INPP1: variants seen among roughly 807,000 people sequenced by gnomAD.
INPP1 encodes inositol polyphosphate 1-phosphatase.
Under a neutral mutation model 23.0 loss-of-function variants are expected in INPP1, and 18 were observed. The observed-to-expected ratio is 0.78, with a 90% CI of 0.54 to 1.16. The LOEUF is 1.16. Among genes scored for constraint, INPP1 ranks in the 50% most tolerant of loss-of-function variants. The pLI is 0.00. For missense variants in INPP1, 448 were observed against 482.1 expected (o/e 0.93, Z 0.66); for synonymous variants, 164 against 176.3 (o/e 0.93, Z 0.55).
rs1166122107 is a variant in INPP1 at position 190,369,116 on chromosome 2, G to A, written c.480G>A (p.Gln160=). ...IWVDPIDSTY[Q]YIKGSADIKS... is the part of the protein sequence containing the mutation. ...TTCCTTTTTCAGATTCAACTTATCAGTATATAAAAGGTTCTGCTGACATTA... is the reference window on the plus strand; with the variant it reads ...TTCCTTTTTCAGATTCAACTTATCAATATATAAAAGGTTCTGCTGACATTA... Residue 160 remains glutamine, a synonymous_variant, in exon 6 of 7, where the codon CAG becomes CAA. Coordinates refer to ENST00000392329, the MANE Select transcript of INPP1 (RefSeq NM_001128928.2). 1.9e-6 allele frequency: 3 copies of A among 1,591,006 alleles called. No individual in the cohort carries two copies. Among genetic ancestry groups the A allele is most frequent in the Admixed American group, 1.7e-5 (1 of 58,486 alleles).
chr2:190,352,284 C>T lies in INPP1; in HGVS notation c.-65+3253C>T, dbSNP rs2124919519. ...CAAAATCAGCTACTAAAAGGCTAAA[C>T]TTAATCAGAGCCCATGAGGTAATGA... On this transcript the variant is annotated intron_variant, in intron 2 of 6. Transcript: ENST00000392329. This position sits in a 1 kb window ranked among gnomAD's most constrained non-coding sequence, Gnocchi z 4.7. Among the ~76,000 whole-genome samples the T allele has an allele frequency of 6.6e-6, 1 of 152,274 alleles. No individual in the cohort carries two copies. The highest frequency in any genetic ancestry group is 1.9e-4 in the East Asian group (1 of 5,186).
intron 4 of INPP1, among the ~76,000 whole-genome samples, chr2:190,366,180 GCT>G (rs59909447): frequency 7.2e-6 from 1 of 138,996 alleles, no homozygotes; most frequent in Non-Finnish European, 1.6e-5. Flanking sequence ...TTTGTCTCTT[GCT>G]CTCTGTCTCT....
At chr2:190,364,527 G>A (rs1275120054) in intron 4 of INPP1, among the ~76,000 whole-genome samples, 1 of 141,400 alleles carries the variant, frequency 7.1e-6, no homozygotes, top group East Asian at 2.1e-4. Context: ...GGGTGACAGA[G>A]CAAGACTCCG....
In INPP1 at chr2:190,363,309, T is replaced by G. The variant is rs1008007285; in HGVS notation, c.265+622T>G. ...GTGCAGTGGCACAATCTCGGTTCAC[T>G]GCAACCTCCACCTCCTGGATTCAAG... is the stretch of plus-strand genomic sequence containing the variant. On this transcript the variant is annotated intron_variant, in intron 4 of 6. Coordinates refer to ENST00000392329, the MANE Select transcript of INPP1 (RefSeq NM_001128928.2). This position sits in a 1 kb window ranked among gnomAD's most constrained non-coding sequence, Gnocchi z 4.4. 6.6e-6 allele frequency among the ~76,000 whole-genome samples: 1 copy of G among 152,210 alleles called. No homozygotes were observed. The highest frequency in any genetic ancestry group is 1.5e-5 in the Non-Finnish European group (1 of 68,046).
rs1451708115 is a variant in INPP1, at chr2:190,360,021, A to G, written c.-64-18A>G. Reference sequence around the variant, plus strand: ...CTCTCTGAACTGCTTTCTCTTTCACATTCTTGTATTTTTCCAGCTGACGGC... The same window carrying G: ...CTCTCTGAACTGCTTTCTCTTTCACGTTCTTGTATTTTTCCAGCTGACGGC... On this transcript the variant is annotated intron_variant, in intron 2 of 6. Transcript: ENST00000392329. The G allele has an allele frequency of 7.1e-6, 10 of 1,410,222 alleles. No individual in the cohort carries two copies. The highest frequency in any genetic ancestry group is 2.3e-5 in the East Asian group (1 of 43,106). 87.4% of individuals were successfully genotyped at this position (1,410,222 alleles called of 1,614,324 possible).
intron 4 of INPP1, 97 bp from the exon 5 acceptor site, chr2:190,366,590 TCTCTCTCG>T (rs1442526213): frequency 2.0e-5 from 16 of 818,356 alleles, no homozygotes; most frequent in Non-Finnish European, 2.9e-5. Flanking sequence ...TCTCTGTCTC[TCTCTCTCG>T]CTCTCTCTGT....
chr2:190,365,349 C>A (rs1366222168), intron 4 of INPP1, among the ~76,000 whole-genome samples: 1 of 152,142 alleles, frequency 6.6e-6, no homozygotes, highest in Non-Finnish European at 1.5e-5. Context: ...TTTTATGTTA[C>A]TTAGCATAAA....
chr2:190,357,546 A>T (rs905852850), intron 2 of INPP1, among the ~76,000 whole-genome samples: 1 of 152,222 alleles, frequency 6.6e-6, no homozygotes, highest in African/African-American at 2.4e-5. Flanking sequence ...CCATATTATT[A>T]AATATTCTTC....
intron 4 of INPP1, among the ~76,000 whole-genome samples, chr2:190,364,414 C>T (rs190022863): frequency 2.6e-5 from 4 of 151,538 alleles, no homozygotes; most frequent in African/African-American, 7.2e-5. Context: ...TGGTGGCGGG[C>T]GCCTGTAGTC....
intron 4 of INPP1, among the ~76,000 whole-genome samples, chr2:190,365,542 G>A (rs1231500585): frequency 1.3e-5 from 2 of 152,172 alleles, no homozygotes; most frequent in African/African-American, 4.8e-5. Context: ...ACTGGCCTAT[G>A]TATCCCTTAA....
chr2:190,364,757 C>T (rs1282527584), intron 4 of INPP1, among the ~76,000 whole-genome samples: 5 of 151,664 alleles, frequency 3.3e-5, no homozygotes, highest in African/African-American at 9.7e-5. Flanking sequence ...CCTGCCACCA[C>T]GCCTAGCTAA....
chr2:190,365,936 GCTCA>G (rs1304552508), intron 4 of INPP1, among the ~76,000 whole-genome samples: 35 of 87,708 alleles, frequency 4.0e-4, no homozygotes, highest in African/African-American at 1.5e-3. Flanking sequence ...ACTGTCTCTC[GCTCA>G]CTGTCTGTCT....
chr2:190,357,539 T>C (rs1361280828), intron 2 of INPP1, among the ~76,000 whole-genome samples: 2 of 152,196 alleles, frequency 1.3e-5, no homozygotes. Context: ...CATATTTCCA[T>C]ATTATTAAAT....
In INPP1 at chr2:190,345,973, G is replaced by A. The variant is rs968087253; in HGVS notation, c.-209+2012G>A. 3.3e-5 allele frequency among the ~76,000 whole-genome samples: 5 copies of A among 152,094 alleles called. No homozygotes were observed. Among genetic ancestry groups the A allele is most frequent in the African/African-American group, 4.8e-5 (2 of 41,404 alleles). ...CGCGCCACTGCACTCCAGCCTGGGCGACAAAGCAAGACTTCATCTCAAAAA... is the reference window on the plus strand; with the variant it reads ...CGCGCCACTGCACTCCAGCCTGGGCAACAAAGCAAGACTTCATCTCAAAAA... On this transcript the variant is annotated intron_variant, in intron 1 of 6. Transcript: ENST00000392329. The surrounding 1 kb of genome is among the most constrained non-coding windows in gnomAD (Gnocchi z 4.9).
chr2:190,359,169 A>T (rs1689482451), intron 2 of INPP1, among the ~76,000 whole-genome samples: 1 of 152,112 alleles, frequency 6.6e-6, no homozygotes, highest in Non-Finnish European at 1.5e-5. Flanking sequence ...GCGTGGTGGC[A>T]TGCATCTGTA....
At position 190,367,149 on chromosome 2, in the gene INPP1, A is replaced by AC. The variant is rs1375710668; in HGVS notation, c.466+255dup. On this transcript the variant is annotated intron_variant, in intron 5 of 6. Coordinates refer to ENST00000392329, the MANE Select transcript of INPP1 (RefSeq NM_001128928.2). The surrounding 1 kb of genome is among the most constrained non-coding windows in gnomAD (Gnocchi z 4.1). Reference sequence around the variant, plus strand: ...TGTGTGTATATACACACACATACATACAGGCACACATGCAAAGATGAATTA... The same window carrying AC: ...TGTGTGTATATACACACACATACATACCAGGCACACATGCAAAGATGAATTA... Among the ~76,000 whole-genome samples the AC allele has an allele frequency of 6.6e-6, 1 of 152,210 alleles. No homozygotes were observed. Among genetic ancestry groups the AC allele is most frequent in the Non-Finnish European group, 1.5e-5 (1 of 68,054 alleles).
chr2:190,363,431 A>G lies in INPP1; in HGVS notation c.265+744A>G, dbSNP rs957651315. 6.6e-6 allele frequency among the ~76,000 whole-genome samples: 1 copy of G among 152,056 alleles called. No homozygotes were observed. Among genetic ancestry groups the G allele is most frequent in the Admixed American group, 6.6e-5 (1 of 15,254 alleles). On this transcript the variant is annotated intron_variant, in intron 4 of 6. Coordinates refer to ENST00000392329, the MANE Select transcript of INPP1 (RefSeq NM_001128928.2). This position sits in a 1 kb window ranked among gnomAD's most constrained non-coding sequence, Gnocchi z 4.4. Reference sequence around the variant, plus strand: ...TATTTTTAGTTAGAGATGGGATTTCACCATGTTGGCCAGGCTGGTCTCAAA... The same window carrying G: ...TATTTTTAGTTAGAGATGGGATTTCGCCATGTTGGCCAGGCTGGTCTCAAA...
chr2:190,366,624 GCTCT>G, intron 4 of INPP1, 67 bp from the exon 5 acceptor site: 1 of 1,062,504 alleles, frequency 9.4e-7, no homozygotes. Flanking sequence ...TCACTCTTTA[GCTCT>G]CTCTCTCTGT....
At chr2:190,351,491 A>C (rs1185495524) in intron 2 of INPP1, among the ~76,000 whole-genome samples, 3 of 152,132 alleles carry the variant, frequency 2.0e-5, no homozygotes, top group Non-Finnish European at 4.4e-5. Flanking sequence ...CAAGGACACC[A>C]CCATTGTGAC....
Sources: gnomAD v4.1 joint callset for allele counts (sites outside exome capture counted in the v4.1 genomes callset) on GRCh38, gnomAD v4.1.1 for gene constraint, Gnocchi (gnomAD v3.1) non-coding constraint, MANE v1.5 for transcripts, NCBI Gene and HGNC (gene_info 2026-07-23, HGNC 2026-07-21) for gene names.